ITSN2: variants seen among roughly 807,000 people sequenced by gnomAD.
The protein encoded by ITSN2 is intersectin 2.
In ITSN2, 156 loss-of-function variants were observed where a neutral mutation model predicts 243.7. The ratio of observed to expected loss-of-function variants is 0.64; its 90% CI spans 0.56 to 0.73. The LOEUF is 0.73. Ranked by LOEUF, ITSN2 falls within the 30% of genes least tolerant of loss-of-function variation. The probability of loss-of-function intolerance (pLI) is 0.00; values close to 1 mark genes in which losing one functional copy is unlikely to be tolerated. For synonymous variants in ITSN2, 703 were observed against 699.9 expected, an observed-to-expected ratio of 1.00 and a Z score of -0.07; for missense variants, 1,801 against 1,996.1, an observed-to-expected ratio of 0.90 and a Z score of 1.86.
At position 24,249,363 on chromosome 2, in the gene ITSN2, C is replaced by A. The variant is rs142315906; in HGVS notation, c.3121-481G>T. Among the ~76,000 whole-genome samples, 6 of 152,124 alleles carry A rather than the reference C, an allele frequency of 3.9e-5. No individual in the cohort carries two copies. Among genetic ancestry groups the A allele is most frequent in the South Asian group, 2.1e-4 (1 of 4,824 alleles). On this transcript the variant is annotated intron_variant, in intron 25 of 39. Coordinates refer to ENST00000355123, the MANE Select transcript of ITSN2 (RefSeq NM_006277.3). This position sits in a 1 kb window ranked among gnomAD's most constrained non-coding sequence, Gnocchi z 4.4. ...TTTTATTTATTTTACCATCCTCCCC[C>A]CAAACTGACTGAATCTGACCTAAGA... is the stretch of plus-strand genomic sequence containing the variant.
At chr2:24,336,736 C>T (rs1388785089) in intron 1 of ITSN2, among the ~76,000 whole-genome samples, 1 of 152,158 alleles carries the variant, frequency 6.6e-6, no homozygotes. Flanking sequence ...CCACAATAAC[C>T]TCATTTATCA....
At chr2:24,341,219 T>C (rs969125515) in intron 1 of ITSN2, among the ~76,000 whole-genome samples, 5 of 152,174 alleles carry the variant, frequency 3.3e-5, no homozygotes, top group Non-Finnish European at 4.4e-5. Flanking sequence ...ATGTTCAATT[T>C]TGAGCACACC....
chr2:24,257,878 AG>A lies in ITSN2; in HGVS notation c.2888+9del, dbSNP rs1241948584. The A allele has an allele frequency of 2.5e-6, 4 of 1,601,928 alleles. No individual in the cohort carries two copies. Among genetic ancestry groups the A allele is most frequent in the Non-Finnish European group, 2.6e-6 (3 of 1,168,962 alleles). ...ATCCACATCTCATGAAAACACATAAAGATGCTTACTCTTCCCGTTTTACTTC... is the reference window on the plus strand; with the variant it reads ...ATCCACATCTCATGAAAACACATAAAATGCTTACTCTTCCCGTTTTACTTC... On this transcript the variant is annotated intron_variant, in intron 23 of 39. Transcript: ENST00000355123.
chr2:24,232,696 A>G (rs1388948315), intron 29 of ITSN2, among the ~76,000 whole-genome samples: 2 of 152,228 alleles, frequency 1.3e-5, no homozygotes, highest in Non-Finnish European at 2.9e-5. Flanking sequence ...CCCCTGCTCT[A>G]TAAGTAAATA....
At chr2:24,320,525 CAAAAAAAAAAAAAAAAAAAAA>C (rs113637557) in intron 2 of ITSN2, among the ~76,000 whole-genome samples, 6 of 41,520 alleles carry the variant, frequency 1.4e-4, no homozygotes, top group African/African-American at 5.1e-4. Flanking sequence ...GACTCCGTCT[CAAAAAAAAAAAAAAAAAAAAA>C]AAAAAAAAAA....
rs1326751576 is a variant in ITSN2, at chr2:24,270,341, TC to T, written c.2355+329del. Among the ~76,000 whole-genome samples the T allele has an allele frequency of 3.9e-5, 6 of 152,184 alleles. No individual in the cohort carries two copies. In the East Asian group the frequency reaches 1.2e-3, roughly 29 times the overall value. On this transcript the variant is annotated intron_variant, in intron 20 of 39. Coordinates refer to ENST00000355123, the MANE Select transcript of ITSN2 (RefSeq NM_006277.3). ...TCCAGTTAGGGCTGTGGAATCTAAC[TC>T]CTTCAATTCTTTTAACAGTTGCTGT...
At chr2:24,277,465 T>C (rs1437487765) in intron 17 of ITSN2, among the ~76,000 whole-genome samples, 2 of 152,170 alleles carry the variant, frequency 1.3e-5, no homozygotes, top group African/African-American at 2.4e-5. Context: ...CTTAAGCCAA[T>C]AGTAATGCAT....
Position 24,272,016 on chromosome 2 carries a change from G to A in ITSN2, c.2082-75C>T, listed in dbSNP as rs945859565. The A allele has an allele frequency of 4.1e-6, 5 of 1,232,114 alleles. No individual in the cohort carries two copies. In the African/African-American group the frequency reaches 6.1e-5, roughly 15 times the overall value. The allele number at this position is 1,232,114 out of a possible 1,614,324, so 76.3% of individuals were successfully genotyped here. On this transcript the variant is annotated intron_variant, in intron 18 of 39. Transcript: ENST00000355123. ...ACTAAATAAAAACATACTAAGATCTGGTTCCTGTCAAGGTGAAGAACTAGC... is the reference window on the plus strand; with the variant it reads ...ACTAAATAAAAACATACTAAGATCTAGTTCCTGTCAAGGTGAAGAACTAGC...
At position 24,249,301 on chromosome 2, in the gene ITSN2, T is replaced by C. The variant is rs906554321; in HGVS notation, c.3121-419A>G. On this transcript the variant is annotated intron_variant, in intron 25 of 39. Transcript: ENST00000355123. This position sits in a 1 kb window ranked among gnomAD's most constrained non-coding sequence, Gnocchi z 4.4. Reference sequence around the variant, plus strand: ...GCTTTCTCTAAGGGATCCTGACTTATCTATGGATCTTGATGAACAGGAGAC... The same window carrying C: ...GCTTTCTCTAAGGGATCCTGACTTACCTATGGATCTTGATGAACAGGAGAC... Among the ~76,000 whole-genome samples the C allele has an allele frequency of 6.6e-6, 1 of 152,226 alleles. No individual in the cohort carries two copies. Among genetic ancestry groups the C allele is most frequent in the Non-Finnish European group, 1.5e-5 (1 of 68,042 alleles).
chr2:24,344,847 G>C (rs932840843), intron 1 of ITSN2, among the ~76,000 whole-genome samples: 9 of 152,274 alleles, frequency 5.9e-5, no homozygotes, highest in African/African-American at 2.2e-4. Context: ...AGCTACGCAG[G>C]AAGCTAAGGC....
chr2:24,318,784 G>A (rs1244510571), intron 2 of ITSN2, among the ~76,000 whole-genome samples: 2 of 152,172 alleles, frequency 1.3e-5, no homozygotes, highest in African/African-American at 4.8e-5. Context: ...GAGGTAAAAG[G>A]GGATCTAGAG....
intron 17 of ITSN2, among the ~76,000 whole-genome samples, chr2:24,276,473 C>A (rs900227664): frequency 6.6e-6 from 1 of 152,204 alleles, no homozygotes; most frequent in Non-Finnish European, 1.5e-5. Context: ...ACTCCCACGT[C>A]TACAGACTTT....
chr2:24,254,679 T>C (rs1203331796), intron 23 of ITSN2, among the ~76,000 whole-genome samples: 1 of 152,180 alleles, frequency 6.6e-6, no homozygotes, highest in Non-Finnish European at 1.5e-5. Flanking sequence ...AAATAGTTTT[T>C]CAAATGTGAG....
At chr2:24,215,442 C>T (rs1326346364) in intron 32 of ITSN2, among the ~76,000 whole-genome samples, 1 of 151,884 alleles carries the variant, frequency 6.6e-6, no homozygotes, top group Non-Finnish European at 1.5e-5. Context: ...CAAGGTGGGC[C>T]GATCACCTGA....
At position 24,204,743 on chromosome 2, in the gene ITSN2, T is replaced by TA. The variant is rs1336624436; in HGVS notation, c.4763-326dup. Reference sequence around the variant, plus strand: ...ACTCGGGAAGGCGGGCACTGGCACTTACTGGGAAAACAGTGATAAGAATAT... The same window carrying TA: ...ACTCGGGAAGGCGGGCACTGGCACTTAACTGGGAAAACAGTGATAAGAATAT... On this transcript the variant is annotated intron_variant, in intron 38 of 39. Coordinates refer to ENST00000355123, the MANE Select transcript of ITSN2 (RefSeq NM_006277.3). The surrounding 1 kb of genome is among the most constrained non-coding windows in gnomAD (Gnocchi z 5.1). 3.8e-6 allele frequency: 2 copies of TA among 520,484 alleles called. No individual in the cohort carries two copies. Among genetic ancestry groups the TA allele is most frequent in the Non-Finnish European group, 7.4e-6 (2 of 269,404 alleles). 32.2% of individuals were successfully genotyped at this position (520,484 alleles called of 1,614,324 possible).
Position 24,241,279 on chromosome 2 carries a change from T to C in ITSN2, c.3577+4850A>G, listed in dbSNP as rs552635927. On this transcript the variant is annotated intron_variant, in intron 29 of 39. Coordinates refer to ENST00000355123, the MANE Select transcript of ITSN2 (RefSeq NM_006277.3). The stretch of plus-strand genomic sequence containing the variant: ...ACTCTGACTTTAAAATGGATTAAGA[T>C]ATAAATGCTCTAAGCTAGGAAAGGT... 15 of 152,346 alleles carry C rather than the reference T, an allele frequency of 9.8e-5. No homozygotes were observed. The East Asian group carries it at 2.9e-3, about 29-fold the overall frequency. The allele number at this position is 152,346 out of a possible 1,614,324, so 9.4% of individuals were successfully genotyped here.
At chr2:24,240,506 T>C (rs537395626) in intron 29 of ITSN2, 1 of 152,202 alleles carries the variant, frequency 6.6e-6, no homozygotes, top group African/African-American at 2.4e-5. Flanking sequence ...AATAATGTGA[T>C]GTATTTTGGA....
At chr2:24,203,877 A>G in intron 39 of ITSN2, 94 bp from the exon 40 acceptor site, 1 of 1,335,086 alleles carries the variant, frequency 7.5e-7, no homozygotes, top group South Asian at 1.4e-5. Flanking sequence ...AAAACCTTCA[A>G]ATCTGAAACA....
At chr2:24,250,222 A>G (rs1409885916) in intron 25 of ITSN2, among the ~76,000 whole-genome samples, 1 of 152,226 alleles carries the variant, frequency 6.6e-6, no homozygotes, top group African/African-American at 2.4e-5. Flanking sequence ...CCACTCAACT[A>G]GGTTTTTCAT....
Sources: allele counts gnomAD v4.1 joint callset (sites outside exome capture counted in the v4.1 genomes callset), GRCh38; gene constraint gnomAD v4.1.1; non-coding constraint Gnocchi (gnomAD v3.1); transcripts MANE v1.5; gene names NCBI Gene and HGNC (gene_info 2026-07-23, HGNC 2026-07-21).